The following SLC13A1 variants were observed in gnomAD, a reference collection of about 807,000 sequenced individuals.
SLC13A1 encodes the protein Na(+)/sulfate cotransporter.
In SLC13A1, 65 loss-of-function variants were observed where a neutral mutation model predicts 70.0. That is an observed-to-expected ratio of 0.93 (90% CI 0.76 to 1.14). The LOEUF (loss-of-function observed/expected upper bound fraction) is 1.14, where lower values mean the gene tolerates loss of function less well. Ranked by LOEUF, SLC13A1 falls within the 50% of genes most tolerant of loss-of-function variation. The pLI, the probability that SLC13A1 is intolerant of heterozygous loss-of-function variation, is 0.00. For missense variants in SLC13A1, 726 were observed against 717.8 expected, an observed-to-expected ratio of 1.01 and a Z score of -0.13; for synonymous variants, 275 against 250.5, an observed-to-expected ratio of 1.10 and a Z score of -0.92.
chr7:123,172,141 T>C (rs1795296927), intron 2 of SLC13A1, among the ~76,000 whole-genome samples: 1 of 152,198 alleles, frequency 6.6e-6, no homozygotes, highest in African/African-American at 2.4e-5. Flanking sequence ...ATTAAATAGC[T>C]GAGTAACATC....
intron 1 of SLC13A1, among the ~76,000 whole-genome samples, chr7:123,189,795 T>G (rs981700696): frequency 3.3e-5 from 5 of 152,040 alleles, no homozygotes; most frequent in Non-Finnish European, 5.9e-5. Flanking sequence ...GGAGATTTTT[T>G]TCTTCTCTAT....
chr7:123,149,539 G>A (rs1253733045), intron 6 of SLC13A1: 3 of 456,422 alleles, frequency 6.6e-6, no homozygotes, highest in African/African-American at 2.0e-5. Flanking sequence ...TTCTCCATAA[G>A]CAGACTGTCT....
rs1371510439 is a variant in SLC13A1 at position 123,115,577 on chromosome 7, A to G, written c.1729T>C (p.Phe577Leu). The change falls in exon 15 of 15, where the codon TTT becomes CTT. Residue 577 changes from phenylalanine to leucine, a missense_variant. Phe to Leu is a conservative substitution (Grantham distance 22). Transcript: ENST00000194130. The stretch of plus-strand genomic sequence containing the variant: ...CACGAAGGGTAAGTGTAGAGGTCAA[A>G]CATGGGTACAATCCAAGTACATATG... Reference protein sequence around the residue: ...LGICTWIVPMFDLYTYPSWAP... With the variant: ...LGICTWIVPMLDLYTYPSWAP... 1 of 1,613,814 alleles carries G rather than the reference A, an allele frequency of 6.2e-7. No homozygotes were observed. Among genetic ancestry groups the G allele is most frequent in the Non-Finnish European group, 8.5e-7 (1 of 1,179,860 alleles).
chr7:123,145,955 C>T (rs1025261068), intron 7 of SLC13A1, among the ~76,000 whole-genome samples: 1 of 152,178 alleles, frequency 6.6e-6, no homozygotes, highest in Admixed American at 6.5e-5. Flanking sequence ...CCTCTAAACT[C>T]TAATTTTTCT....
At chr7:123,116,345 C>T (rs4392839) in intron 14 of SLC13A1, among the ~76,000 whole-genome samples, 147,868 of 152,320 alleles carry the variant, frequency 0.97, 71,920 homozygotes, top group East Asian at 1. Context: ...ACCACAACTA[C>T]GCTTATTTGT....
chr7:123,132,278 G>A (rs1392706603), intron 8 of SLC13A1, among the ~76,000 whole-genome samples: 1 of 152,144 alleles, frequency 6.6e-6, no homozygotes, highest in Admixed American at 6.5e-5. Flanking sequence ...AGCAGAAAGA[G>A]GAATCAAGAG....
intron 6 of SLC13A1, among the ~76,000 whole-genome samples, chr7:123,160,241 A>T (rs2116492770): frequency 6.6e-6 from 1 of 150,450 alleles, no homozygotes; most frequent in Admixed American, 6.6e-5. Flanking sequence ...ACTGCACTCT[A>T]GCCTAGGTGG....
intron 2 of SLC13A1, among the ~76,000 whole-genome samples, chr7:123,172,191 T>C (rs997339243): frequency 3.3e-5 from 5 of 152,188 alleles, no homozygotes; most frequent in African/African-American, 7.2e-5. Context: ...TGTTTATGCA[T>C]CTATAGTGGA....
At chr7:123,152,593 A>G (rs1195538146) in intron 6 of SLC13A1, among the ~76,000 whole-genome samples, 1 of 152,082 alleles carries the variant, frequency 6.6e-6, no homozygotes, top group East Asian at 1.9e-4. Flanking sequence ...TAAGGAAAAA[A>G]TTACTACTCA....
At chr7:123,171,087 G>T (rs1795256782) in intron 3 of SLC13A1, among the ~76,000 whole-genome samples, 1 of 152,072 alleles carries the variant, frequency 6.6e-6, no homozygotes, top group Admixed American at 6.6e-5. Context: ...GAGAAGGGAA[G>T]AAACATCTAA....
chr7:123,170,174 G>A (rs778709036), intron 3 of SLC13A1, among the ~76,000 whole-genome samples: 1 of 152,100 alleles, frequency 6.6e-6, no homozygotes, highest in South Asian at 2.1e-4. Context: ...TCTATATAGA[G>A]CAATTTATGA....
intron 1 of SLC13A1, among the ~76,000 whole-genome samples, chr7:123,193,402 G>A (rs1796064222): frequency 6.6e-6 from 1 of 152,078 alleles, no homozygotes; most frequent in Admixed American, 6.5e-5. Flanking sequence ...GATAAGCTAT[G>A]CTGTGGCAAA....
At chr7:123,150,965 A>T (rs1176190937) in intron 6 of SLC13A1, among the ~76,000 whole-genome samples, 1 of 152,006 alleles carries the variant, frequency 6.6e-6, no homozygotes, top group Non-Finnish European at 1.5e-5. Flanking sequence ...TTTATGCCAG[A>T]TCACCAAACT....
chr7:123,179,227 T>C (rs527903082), intron 2 of SLC13A1, among the ~76,000 whole-genome samples: 1 of 152,314 alleles, frequency 6.6e-6, no homozygotes, highest in Non-Finnish European at 1.5e-5. Context: ...GAAATAAGTT[T>C]AATGAGTCAG....
At chr7:123,186,944 G>A (rs1585402202) in intron 1 of SLC13A1, among the ~76,000 whole-genome samples, 1 of 146,880 alleles carries the variant, frequency 6.8e-6, no homozygotes, top group Admixed American at 6.8e-5. Flanking sequence ...TTTAAATCAT[G>A]ATTCCTTCTC....
In SLC13A1 at chr7:123,134,504, T is replaced by C. The variant is rs138184794; in HGVS notation, c.838A>G (p.Asn280Asp). ...GAAAACGTAAACCATGATCCAAAGTTGAGGCAACGACAGTCAGGATAGCGT... is the reference window on the plus strand; with the variant it reads ...GAAAACGTAAACCATGATCCAAAGTCGAGGCAACGACAGTCAGGATAGCGT... ...NTRYPDCRCL[N>D]FGSWFTFSFP... The change falls in exon 8 of 15, where the codon AAC becomes GAC. Residue 280 changes from asparagine to aspartate, a missense_variant. By Grantham distance (23) the Asn-to-Asp change is conservative. Transcript: ENST00000194130. 117 of 1,613,424 alleles carry C rather than the reference T, an allele frequency of 7.3e-5. 3 individuals are homozygous for C. Among genetic ancestry groups the C allele is most frequent in the Middle Eastern group, 6.6e-4 (4 of 6,056 alleles).
At chr7:123,171,684 C>A in intron 3 of SLC13A1, 84 bp downstream of exon 3, 2 of 1,335,170 alleles carry the variant, frequency 1.5e-6, no homozygotes, top group South Asian at 2.5e-5. Flanking sequence ...ATTTCCTGGG[C>A]GTGAATTACT....
At chr7:123,176,384 T>G in intron 2 of SLC13A1, among the ~76,000 whole-genome samples, 1 of 152,134 alleles carries the variant, frequency 6.6e-6, no homozygotes. Context: ...CAAGGCAAAA[T>G]TGATATGTCA....
At chr7:123,128,280 TAAAAATCACATAATATGAA>T (rs1159818670) in intron 10 of SLC13A1, among the ~76,000 whole-genome samples, 3 of 151,992 alleles carry the variant, frequency 2.0e-5, no homozygotes, top group African/African-American at 7.2e-5. Context: ...ACAAAGTGGG[TAAAAATCACATAATATGAA>T]TTTATACCAG....
Sources: gnomAD v4.1 joint callset for allele counts (sites outside exome capture counted in the v4.1 genomes callset) on GRCh38, gnomAD v4.1.1 for gene constraint, MANE v1.5 for transcripts, NCBI Gene and HGNC (gene_info 2026-07-23, HGNC 2026-07-21) for gene names.